The following GABBR2 variants were observed in gnomAD, a reference collection of about 807,000 sequenced individuals.
The protein encoded by GABBR2 is G-protein coupled receptor 51.
GABBR2 carries 23 observed loss-of-function variants against 105.6 expected under a neutral mutation model. The observed-to-expected ratio is 0.22, with a 90% CI of 0.16 to 0.31. GABBR2 has a LOEUF of 0.31. GABBR2 is among the 10% of genes least tolerant of loss of function. The pLI is 1.00. For missense variants in GABBR2, 734 were observed against 1,245.5 expected (o/e 0.59, Z 6.18); for synonymous variants, 478 against 499.7 (o/e 0.96, Z 0.58).
intron 7 of GABBR2, among the ~76,000 whole-genome samples, chr9:98,419,325 G>GT (rs1832742081): frequency 6.6e-6 from 1 of 152,220 alleles, no homozygotes; most frequent in African/African-American, 2.4e-5. Flanking sequence ...CTCCTAGGGT[G>GT]TAAGGAGATA....
chr9:98,383,724 G>A (rs145010661), intron 11 of GABBR2, among the ~76,000 whole-genome samples: 3 of 152,298 alleles, frequency 2.0e-5, no homozygotes, highest in Non-Finnish European at 2.9e-5. Flanking sequence ...ACAATTTCTC[G>A]ATGATGTGTA....
Position 98,398,812 on chromosome 9 carries a change from C to T in GABBR2, c.1298-4557G>A, listed in dbSNP as rs111510939. Among the ~76,000 whole-genome samples the T allele has an allele frequency of 3.3e-3, 499 of 152,316 alleles. 4 individuals carry two copies. The highest frequency in any genetic ancestry group is 0.011 in the African/African-American group (453 of 41,570). ...TTGTGCTCTACTGTCACAAACAATA[C>T]GCTATTGCCATATTTTTCATAAGTT... On this transcript the variant is annotated intron_variant, in intron 8 of 18. Transcript: ENST00000259455.
intron 2 of GABBR2, among the ~76,000 whole-genome samples, chr9:98,571,894 G>C (rs996603603): frequency 6.6e-6 from 1 of 152,182 alleles, no homozygotes; most frequent in Non-Finnish European, 1.5e-5. Flanking sequence ...ACTTGCACCA[G>C]AGACCAGCAA....
chr9:98,332,786 T>C (rs1436672311), intron 13 of GABBR2, among the ~76,000 whole-genome samples: 1 of 152,222 alleles, frequency 6.6e-6, no homozygotes, highest in African/African-American at 2.4e-5. Context: ...CACAGGAAAA[T>C]CCTCCACGCC....
At chr9:98,577,743 C>A (rs756676866) in intron 2 of GABBR2, among the ~76,000 whole-genome samples, 192 bp downstream of exon 2, 20 of 152,162 alleles carry the variant, frequency 1.3e-4, no homozygotes, top group Admixed American at 1.3e-4. Flanking sequence ...TCAGGGCTGC[C>A]CTTTAGAGAC....
At chr9:98,559,693 G>C (rs1828637677) in intron 2 of GABBR2, among the ~76,000 whole-genome samples, 1 of 152,138 alleles carries the variant, frequency 6.6e-6, no homozygotes, top group South Asian at 2.1e-4. Flanking sequence ...TCCACTTCTA[G>C]GAATTCATAC....
intron 2 of GABBR2, among the ~76,000 whole-genome samples, chr9:98,556,740 A>C (rs151138405): frequency 1.3e-5 from 2 of 152,310 alleles, no homozygotes; most frequent in East Asian, 3.9e-4. Flanking sequence ...CTAACTCTCC[A>C]GGGCTCTGTT....
chr9:98,594,301 G>C (rs2131798487), intron 1 of GABBR2, among the ~76,000 whole-genome samples: 1 of 152,348 alleles, frequency 6.6e-6, no homozygotes, highest in African/African-American at 2.4e-5. Flanking sequence ...CCGTGGCTGA[G>C]AGCCTGCTAA....
At chr9:98,318,201 T>C (rs549952582) in intron 13 of GABBR2, among the ~76,000 whole-genome samples, 1 of 152,276 alleles carries the variant, frequency 6.6e-6, no homozygotes, top group African/African-American at 2.4e-5. Flanking sequence ...AAATGCAGAT[T>C]CAGGTGCGCG....
chr9:98,386,209 C>T (rs1005550709), intron 10 of GABBR2, among the ~76,000 whole-genome samples: 1 of 146,372 alleles, frequency 6.8e-6, no homozygotes, highest in African/African-American at 2.7e-5. Flanking sequence ...ATTAAGTCAA[C>T]AGGTTTTTTT....
At position 98,529,565 on chromosome 9, in the gene GABBR2, T is replaced by C. The variant is rs1000963074; in HGVS notation, c.630+12308A>G. Among the ~76,000 whole-genome samples, 3 of 152,258 alleles carry C rather than the reference T, an allele frequency of 2.0e-5. No homozygotes were observed. The East Asian group carries it at 5.8e-4, about 29-fold the overall frequency. On this transcript the variant is annotated intron_variant, in intron 3 of 18. Coordinates refer to ENST00000259455, the MANE Select transcript of GABBR2 (RefSeq NM_005458.8). ...GCCAATTTTAAATTTTCCTTTGTGC[T>C]CTTTTGTGTTTTCCAAGTTTTCTGC...
intron 7 of GABBR2, among the ~76,000 whole-genome samples, chr9:98,413,051 C>G (rs370788550): frequency 2.6e-4 from 40 of 152,320 alleles, no homozygotes; most frequent in African/African-American, 9.6e-4. Context: ...ATGTGAATGC[C>G]TTTTCCCCAA....
chr9:98,705,510 G>T (rs1830882037), intron 1 of GABBR2, among the ~76,000 whole-genome samples: 1 of 152,186 alleles, frequency 6.6e-6, no homozygotes, highest in African/African-American at 2.4e-5. Flanking sequence ...GCAAATGTCA[G>T]CAAATCCAGC....
intron 7 of GABBR2, among the ~76,000 whole-genome samples, chr9:98,418,860 C>T (rs950135772): frequency 1.3e-5 from 2 of 152,220 alleles, no homozygotes; most frequent in African/African-American, 4.8e-5. Flanking sequence ...CAAGCCTCTG[C>T]CCAGGCTCCT....
chr9:98,688,772 C>T (rs1588284111), intron 1 of GABBR2, among the ~76,000 whole-genome samples: 1 of 152,304 alleles, frequency 6.6e-6, no homozygotes, highest in African/African-American at 2.4e-5. Context: ...TCCCACTAAC[C>T]TCCATATCAC....
chr9:98,291,981 C>A (rs1438879516), intron 18 of GABBR2, among the ~76,000 whole-genome samples: 7 of 152,208 alleles, frequency 4.6e-5, no homozygotes, highest in African/African-American at 1.7e-4. Context: ...GAAAAGGGAG[C>A]TGCCCTCTGA....
chr9:98,472,125 G>T (rs375221406), intron 6 of GABBR2, among the ~76,000 whole-genome samples: 1 of 151,992 alleles, frequency 6.6e-6, no homozygotes, highest in South Asian at 2.1e-4. Flanking sequence ...TATAAAATTT[G>T]GTCTGTAAGA....
At chr9:98,439,934 T>TG (rs1826001241) in intron 7 of GABBR2, among the ~76,000 whole-genome samples, 1 of 152,204 alleles carries the variant, frequency 6.6e-6, no homozygotes, top group Non-Finnish European at 1.5e-5. Flanking sequence ...TAGGGGTAAC[T>TG]GGGGGGCTTG....
At chr9:98,585,392 C>CA (rs1331349295) in intron 1 of GABBR2, among the ~76,000 whole-genome samples, 1 of 146,900 alleles carries the variant, frequency 6.8e-6, no homozygotes, top group East Asian at 2.0e-4. Context: ...ATCGCAAGGA[C>CA]AAAAAACCAA....
Sources: allele counts gnomAD v4.1 joint callset (sites outside exome capture counted in the v4.1 genomes callset), GRCh38; gene constraint gnomAD v4.1.1; transcripts MANE v1.5; gene names NCBI Gene and HGNC (gene_info 2026-07-23, HGNC 2026-07-21).